The following RASA3 variants were observed in gnomAD, a reference collection of about 807,000 sequenced individuals.
RASA3 encodes ras GTPase-activating protein 3.
In RASA3, 73 loss-of-function variants were observed where a neutral mutation model predicts 110.0. The observed-to-expected ratio is 0.66, with a 90% CI of 0.55 to 0.81. RASA3 has a LOEUF of 0.81. RASA3 is among the 30% of genes least tolerant of loss of function. RASA3 has a pLI of 0.00. For synonymous variants in RASA3, 500 were observed against 451.4 expected, an observed-to-expected ratio of 1.11 and a Z score of -1.37; for missense variants, 976 against 1,113.2, an observed-to-expected ratio of 0.88 and a Z score of 1.75.
At position 114,101,600 on chromosome 13, in the gene RASA3, C is replaced by T. The variant is rs2080061241; in HGVS notation, c.56-27763G>A. Among the ~76,000 whole-genome samples the T allele has an allele frequency of 2.6e-5, 4 of 152,240 alleles. No individual in the cohort carries two copies. The South Asian group carries it at 8.3e-4, about 31-fold the overall frequency. On this transcript the variant is annotated intron_variant, in intron 1 of 23. Coordinates refer to ENST00000334062, the MANE Select transcript of RASA3 (RefSeq NM_007368.4). ...ATCCGGGCTTTCCTTGGCAAACACG[C>T]TTGGCTGTCCTCGTTTCCAAGTCAG...
intron 21 of RASA3, among the ~76,000 whole-genome samples, chr13:113,993,821 A>AG (rs1192552835): frequency 0.035 from 5,265 of 148,620 alleles, 138 homozygotes; most frequent in Middle Eastern, 0.083. Context: ...AAAAAAAAAA[A>AG]AAAAAAAAAA....
intron 1 of RASA3, among the ~76,000 whole-genome samples, chr13:114,110,500 GGCC>G (rs2080202435): frequency 6.6e-6 from 1 of 152,236 alleles, no homozygotes; most frequent in East Asian, 1.9e-4. Context: ...CATGACCCCT[GGCC>G]CTACACAGGA....
chr13:114,083,268 G>A (rs895034544), intron 1 of RASA3, among the ~76,000 whole-genome samples: 1 of 152,178 alleles, frequency 6.6e-6, no homozygotes, highest in East Asian at 1.9e-4. Context: ...TTTAATTCAG[G>A]GTAGCAAGAT....
chr13:114,019,160 G>A (rs1057261531), intron 9 of RASA3, among the ~76,000 whole-genome samples: 2 of 152,160 alleles, frequency 1.3e-5, no homozygotes, highest in African/African-American at 4.8e-5. Context: ...AAACGCGGAG[G>A]GGGATGGGGG....
chr13:114,015,125 G>A, intron 14 of RASA3, 84 bp downstream of exon 14: 3 of 1,556,766 alleles, frequency 1.9e-6, no homozygotes, highest in Non-Finnish European at 1.8e-6. Context: ...AGCCAGGGCT[G>A]CGGGGGGTTC....
At chr13:114,015,155 C>T (rs2053759482) in intron 14 of RASA3, 54 bp downstream of exon 14, 1 of 1,604,870 alleles carries the variant, frequency 6.2e-7, no homozygotes, top group Admixed American at 1.7e-5. Context: ...GGGAGTCACC[C>T]TGCACAGCGC....
chr13:114,015,420 G>C (rs1594325829), intron 13 of RASA3, 88 bp from the exon 14 acceptor site: 2 of 1,554,378 alleles, frequency 1.3e-6, no homozygotes, highest in East Asian at 4.5e-5. Flanking sequence ...GGGGCGCGTG[G>C]GGAGGGGCTG....
In RASA3 at chr13:114,056,344, C is replaced by A. The variant is rs970625469; in HGVS notation, c.174-4189G>T. 1.4e-4 allele frequency: 97 copies of A among 689,088 alleles called. No individual in the cohort carries two copies. The African/African-American group carries it at 1.8e-3, about 13-fold the overall frequency. The allele number at this position is 689,088 out of a possible 1,614,324, so 42.7% of individuals were successfully genotyped here. Reference sequence around the variant, plus strand: ...GATGAGGATGCCAGCGCTAAGCACACCCCACAAACGGGCGCCGCGCACCTG... The same window carrying A: ...GATGAGGATGCCAGCGCTAAGCACAACCCACAAACGGGCGCCGCGCACCTG... On this transcript the variant is annotated intron_variant, in intron 2 of 23. Coordinates refer to ENST00000334062, the MANE Select transcript of RASA3 (RefSeq NM_007368.4). The surrounding 1 kb of genome is among the most constrained non-coding windows in gnomAD (Gnocchi z 5.7).
chr13:114,131,207 C>T (rs1411008821), intron 1 of RASA3, among the ~76,000 whole-genome samples: 2 of 152,190 alleles, frequency 1.3e-5, no homozygotes, highest in Non-Finnish European at 2.9e-5. Context: ...TGGAATGCCT[C>T]CGGCAGCATC....
intron 1 of RASA3, among the ~76,000 whole-genome samples, chr13:114,079,251 G>A (rs948018112): frequency 6.6e-6 from 1 of 152,202 alleles, no homozygotes; most frequent in Admixed American, 6.5e-5. Context: ...ACGTCATCAC[G>A]GCGTTTTACT....
intron 4 of RASA3, among the ~76,000 whole-genome samples, chr13:114,030,352 A>G (rs1240037156): frequency 6.8e-6 from 1 of 147,324 alleles, no homozygotes; most frequent in African/African-American, 2.6e-5. Context: ...GAGAGCTCAC[A>G]CAGAGGGCAA....
rs2052941676 is a variant in RASA3 at position 113,981,792 on chromosome 13, T to C, written c.2312A>G (p.Asp771Gly). 6.2e-7 allele frequency: 1 copy of C among 1,613,998 alleles called. No homozygotes were observed. ...CGTCTTGTAGGTCTCCTGGGGGTCG[T>C]CAATGACGAACGTCGAATACTCCTC... ...EQEEYSTFVI[D>G]DPQETYKTLK... Residue 771 changes from aspartate to glycine, a missense_variant, in exon 23 of 24, where the codon GAC (aspartate) becomes GGC (glycine). Coordinates refer to ENST00000334062, the MANE Select transcript of RASA3 (RefSeq NM_007368.4).
At chr13:114,001,476 GGAGGA>G (rs2053398445) in intron 18 of RASA3, among the ~76,000 whole-genome samples, 1 of 125,480 alleles carries the variant, frequency 8.0e-6, no homozygotes, top group Admixed American at 7.8e-5. Context: ...CACGCAACAT[GGAGGA>G]CCTACAGGCG....
intron 4 of RASA3, among the ~76,000 whole-genome samples, chr13:114,034,556 G>A (rs938674554): frequency 1.3e-5 from 2 of 152,170 alleles, no homozygotes; most frequent in African/African-American, 2.4e-5. Flanking sequence ...AATCCCTCCT[G>A]ACCAGCTGAC....
intron 2 of RASA3, among the ~76,000 whole-genome samples, chr13:114,070,451 G>T (rs939634965): frequency 6.6e-6 from 1 of 152,128 alleles, no homozygotes; most frequent in South Asian, 2.1e-4. Context: ...GATTCCAGCT[G>T]CAAGTTTATG....
chr13:114,001,947 A>G (rs1220773929), intron 18 of RASA3, among the ~76,000 whole-genome samples: 1 of 152,258 alleles, frequency 6.6e-6, no homozygotes, highest in Non-Finnish European at 1.5e-5. Context: ...AGGAGACAGG[A>G]TGGCCACCGA....
intron 4 of RASA3, among the ~76,000 whole-genome samples, chr13:114,031,518 G>A (rs980538083): frequency 3.7e-5 from 5 of 136,134 alleles, no homozygotes; most frequent in African/African-American, 5.9e-5. Flanking sequence ...CTGTCTGTGC[G>A]CGTGGCTGTG....
At chr13:114,119,303 T>C (rs1410738573) in intron 1 of RASA3, among the ~76,000 whole-genome samples, 1 of 152,304 alleles carries the variant, frequency 6.6e-6, no homozygotes, top group East Asian at 1.9e-4. Flanking sequence ...CTCTAAATAC[T>C]GGAGGAGCGC....
At chr13:114,001,741 G>A in intron 18 of RASA3, among the ~76,000 whole-genome samples, 1 of 152,198 alleles carries the variant, frequency 6.6e-6, no homozygotes, top group South Asian at 2.1e-4. Context: ...AGAGCGGGCA[G>A]CAGACGCCCA....
Sources: allele counts gnomAD v4.1 joint callset (sites outside exome capture counted in the v4.1 genomes callset), GRCh38; gene constraint gnomAD v4.1.1; non-coding constraint Gnocchi (gnomAD v3.1); transcripts MANE v1.5; gene names NCBI Gene and HGNC (gene_info 2026-07-23, HGNC 2026-07-21).